SYNPR: variants seen among roughly 807,000 people sequenced by gnomAD.
The protein encoded by SYNPR is synaptoporin.
In SYNPR, 23 loss-of-function variants were observed where a neutral mutation model predicts 32.9. The observed-to-expected ratio is 0.70, with a 90% CI of 0.50 to 0.99. The LOEUF (loss-of-function observed/expected upper bound fraction) is 0.99, where lower values mean the gene tolerates loss of function less well. SYNPR is among the 50% of genes least tolerant of loss of function. The pLI is 0.00. For synonymous variants in SYNPR, 146 were observed against 135.9 expected (o/e 1.07, Z -0.52); for missense variants, 318 against 349.3 (o/e 0.91, Z 0.71).
At chr3:63,301,331 GAAGCTATTTTT>G (rs1415255971) in intron 2 of SYNPR, among the ~76,000 whole-genome samples, 1 of 152,052 alleles carries the variant, frequency 6.6e-6, no homozygotes, top group Non-Finnish European at 1.5e-5. Context: ...TGAATTTTGA[GAAGCTATTTTT>G]AAAATATTTA....
chr3:63,490,998 A>G (rs534388052), intron 3 of SYNPR, among the ~76,000 whole-genome samples: 1 of 152,224 alleles, frequency 6.6e-6, no homozygotes, highest in Admixed American at 6.5e-5. Context: ...TCCTGACCTC[A>G]GGTGATCTGC....
intron 4 of SYNPR, among the ~76,000 whole-genome samples, chr3:63,594,356 T>A (rs752839214): frequency 6.6e-6 from 1 of 152,188 alleles, no homozygotes; most frequent in Non-Finnish European, 1.5e-5. Context: ...TCAATAATAG[T>A]CACCTCAAAG....
intron 3 of SYNPR, among the ~76,000 whole-genome samples, chr3:63,494,285 C>T (rs1701313840): frequency 6.7e-6 from 1 of 150,278 alleles, no homozygotes; most frequent in South Asian, 2.1e-4. Flanking sequence ...CAACAATGTG[C>T]TTTTGAGCAT....
chr3:63,527,155 G>A (rs562020470), intron 3 of SYNPR, among the ~76,000 whole-genome samples: 7 of 152,174 alleles, frequency 4.6e-5, no homozygotes, highest in Admixed American at 1.3e-4. Context: ...AAACCCAGGC[G>A]GAATAGTAGC....
At chr3:63,564,195 CTTT>C (rs151331065) in intron 4 of SYNPR, among the ~76,000 whole-genome samples, 1 of 137,724 alleles carries the variant, frequency 7.3e-6, no homozygotes. Flanking sequence ...GTGTGTCTTT[CTTT>C]TTTTTTTTTT....
chr3:63,454,904 A>G (rs184271019), intron 2 of SYNPR, among the ~76,000 whole-genome samples: 1 of 152,278 alleles, frequency 6.6e-6, no homozygotes, highest in Admixed American at 6.5e-5. Flanking sequence ...GGAATTTATG[A>G]GCCATGGAGC....
At chr3:63,247,180 T>A (rs955895350) in intron 1 of SYNPR, among the ~76,000 whole-genome samples, 1 of 152,092 alleles carries the variant, frequency 6.6e-6, no homozygotes, top group African/African-American at 2.4e-5. Flanking sequence ...TTCTGCAACA[T>A]TTAGACATAA....
chr3:63,290,797 T>C (rs192211007), intron 2 of SYNPR, among the ~76,000 whole-genome samples: 2 of 152,306 alleles, frequency 1.3e-5, no homozygotes, highest in Admixed American at 1.3e-4. Flanking sequence ...CGTCATTCTT[T>C]GGATCTGTTA....
intron 4 of SYNPR, among the ~76,000 whole-genome samples, chr3:63,589,073 A>G (rs1365955762): frequency 6.6e-6 from 1 of 152,062 alleles, no homozygotes. Context: ...GGTAGTAAAG[A>G]AGAGTCCAAC....
intron 4 of SYNPR, among the ~76,000 whole-genome samples, chr3:63,593,916 C>A (rs1449035944): frequency 6.6e-6 from 1 of 152,084 alleles, no homozygotes; most frequent in Non-Finnish European, 1.5e-5. Flanking sequence ...ATTTTTAGAA[C>A]AGTACCCAGC....
chr3:63,427,370 T>C (rs1294715536), intron 2 of SYNPR: 1 of 152,170 alleles, frequency 6.6e-6, no homozygotes, highest in Non-Finnish European at 1.5e-5. Context: ...AAATAATGTA[T>C]TCACATTAAT....
At chr3:63,456,794 C>T (rs1052448800) in intron 2 of SYNPR, among the ~76,000 whole-genome samples, 11 of 152,088 alleles carry the variant, frequency 7.2e-5, no homozygotes, top group South Asian at 2.1e-4. Context: ...ACCCACTCTT[C>T]ATCCTGGCTA....
At chr3:63,519,143 T>C (rs1462250069) in intron 3 of SYNPR, among the ~76,000 whole-genome samples, 1 of 152,214 alleles carries the variant, frequency 6.6e-6, no homozygotes, top group East Asian at 1.9e-4. Context: ...TTTTTTGATG[T>C]GCTGCTGGAT....
intron 2 of SYNPR, among the ~76,000 whole-genome samples, chr3:63,457,085 C>T (rs777207179): frequency 6.6e-6 from 1 of 152,040 alleles, no homozygotes; most frequent in East Asian, 1.9e-4. Context: ...CTAAGTGGGG[C>T]TATCACCTTC....
intron 2 of SYNPR, among the ~76,000 whole-genome samples, chr3:63,329,418 G>T (rs919890039): frequency 2.6e-5 from 4 of 152,072 alleles, no homozygotes; most frequent in African/African-American, 9.7e-5. Context: ...TCTAAATCTA[G>T]TCCTTTAACC....
At chr3:63,476,932 C>T (rs73112644) in intron 2 of SYNPR, among the ~76,000 whole-genome samples, 25,546 of 152,182 alleles carry the variant, frequency 0.17, 2,492 homozygotes, top group East Asian at 0.25. Context: ...TCCCCAACAG[C>T]TGGCACATAG....
chr3:63,514,638 T>C (rs1246806717), intron 3 of SYNPR, among the ~76,000 whole-genome samples: 1 of 152,132 alleles, frequency 6.6e-6, no homozygotes, highest in Non-Finnish European at 1.5e-5. Flanking sequence ...CACTAATATA[T>C]ATTGTAGAAT....
intron 2 of SYNPR, among the ~76,000 whole-genome samples, chr3:63,391,348 G>C (rs1055008207): frequency 6.6e-6 from 1 of 152,164 alleles, no homozygotes; most frequent in Non-Finnish European, 1.5e-5. Flanking sequence ...AAGGATGTTC[G>C]TATCTTAGTC....
chr3:63,364,760 T>G (rs1195534164), intron 2 of SYNPR, among the ~76,000 whole-genome samples: 1 of 152,170 alleles, frequency 6.6e-6, no homozygotes, highest in African/African-American at 2.4e-5. Context: ...CTGAGAAGAA[T>G]GTAAAAAAAT....
Sources: gnomAD v4.1 joint callset for allele counts (sites outside exome capture counted in the v4.1 genomes callset) on GRCh38, gnomAD v4.1.1 for gene constraint, MANE v1.5 for transcripts, NCBI Gene and HGNC (gene_info 2026-07-23, HGNC 2026-07-21) for gene names.